Variants in PCLO observed in about 807,000 individuals in gnomAD.
PCLO encodes protein piccolo.
PCLO carries 82 observed loss-of-function variants against 427.5 expected under a neutral mutation model. The observed-to-expected ratio is 0.19, with a 90% CI of 0.16 to 0.23. The LOEUF (loss-of-function observed/expected upper bound fraction) is 0.23. Ranked by LOEUF, PCLO falls within the 10% of genes least tolerant of loss-of-function variation. The probability of loss-of-function intolerance (pLI) is 1.00; values close to 1 mark genes in which losing one functional copy is unlikely to be tolerated. For missense variants in PCLO, 6,239 were observed against 6,115.9 expected, an observed-to-expected ratio of 1.02 and a Z score of -0.67; for synonymous variants, 2,357 against 2,155.4, an observed-to-expected ratio of 1.09 and a Z score of -2.59.
At chr7:82,850,763 T>G (rs1380347360) in intron 10 of PCLO, among the ~76,000 whole-genome samples, 1 of 152,180 alleles carries the variant, frequency 6.6e-6, no homozygotes, top group Non-Finnish European at 1.5e-5. Flanking sequence ...CACTACACAA[T>G]TCATCACCTT....
rs2116261334 is a variant in PCLO, at chr7:82,915,111, G to A, written c.12875C>T (p.Ser4292Phe). 2 of 1,592,512 alleles carry A rather than the reference G, an allele frequency of 1.3e-6. No individual in the cohort carries two copies. The highest frequency in any genetic ancestry group is 1.3e-5 in the African/African-American group (1 of 74,648). Residue 4292 changes from serine to phenylalanine, a missense_variant, in exon 7 of 25, where the codon TCC (serine) becomes TTC (phenylalanine). By Grantham distance (155) the Ser-to-Phe change is radical (BLOSUM62 -2). This residue lies in a region of PCLO where 680 missense variants were observed against 677.3 expected (regional missense o/e 1.00). Transcript: ENST00000333891. The stretch of plus-strand genomic sequence containing the variant: ...CCCATAGACAGAGGAAGGTCTGGAG[G>A]AAGGTCTGGACCTGCTGCCACTACT... ...PYSSGSRSRP[S>F]SRPSSVYGLD...
chr7:82,880,517 T>C (rs974256785), intron 9 of PCLO: 5 of 251,726 alleles, frequency 2.0e-5, no homozygotes, highest in African/African-American at 1.1e-4. Context: ...GTGCTGGAAT[T>C]ACAGGCTTGA....
chr7:82,916,078 A>G lies in PCLO; in HGVS notation c.11908T>C (p.Leu3970=). The G allele has an allele frequency of 3.7e-6, 6 of 1,613,458 alleles. No homozygotes were observed. The highest frequency in any genetic ancestry group is 5.1e-6 in the Non-Finnish European group (6 of 1,179,742). ...QQKPRQTTLY[L]EPKITSNYEV... is the part of the protein sequence containing the mutation. ...TAGTTTGAGGTTATCTTGGGCTCCAAATATAATGTAGTTTGCCGTGGCTTC... is the reference window on the plus strand; with the variant it reads ...TAGTTTGAGGTTATCTTGGGCTCCAGATATAATGTAGTTTGCCGTGGCTTC... Residue 3970 remains leucine, a synonymous_variant, in exon 7 of 25, where the codon TTG becomes CTG. Transcript: ENST00000333891.
chr7:82,840,353 G>C (rs1042910696), intron 14 of PCLO, among the ~76,000 whole-genome samples: 2 of 151,932 alleles, frequency 1.3e-5, no homozygotes, highest in Non-Finnish European at 2.9e-5. Context: ...TTTGTAGTAG[G>C]TTCCTGGATA....
At chr7:82,797,882 T>C (rs73706724) in intron 22 of PCLO, among the ~76,000 whole-genome samples, 2,029 of 152,190 alleles carry the variant, frequency 0.013, 45 homozygotes, top group African/African-American at 0.046. Flanking sequence ...AGAAAATGAC[T>C]AAGTGGAAAA....
At chr7:82,926,284 T>C (rs1322829511) in intron 6 of PCLO, among the ~76,000 whole-genome samples, 1 of 152,152 alleles carries the variant, frequency 6.6e-6, no homozygotes, top group Non-Finnish European at 1.5e-5. Context: ...GGGTCTATGT[T>C]TGAGGTATTA....
At chr7:83,140,445 T>C (rs2116635101) in intron 2 of PCLO, among the ~76,000 whole-genome samples, 2 of 152,280 alleles carry the variant, frequency 1.3e-5, no homozygotes, top group East Asian at 3.9e-4. Context: ...AATTCTGCTA[T>C]TTCCAAGCCT....
chr7:82,974,031 A>G (rs1027910599), intron 3 of PCLO, among the ~76,000 whole-genome samples: 2 of 152,178 alleles, frequency 1.3e-5, no homozygotes, highest in African/African-American at 4.8e-5. Context: ...AATATCTGTG[A>G]ATTATTACAT....
At chr7:82,857,020 T>C (rs1296245536) in intron 10 of PCLO, among the ~76,000 whole-genome samples, 1 of 152,104 alleles carries the variant, frequency 6.6e-6, no homozygotes, top group Admixed American at 6.6e-5. Flanking sequence ...AGAGCATGCC[T>C]CTTCACTATT....
intron 6 of PCLO, among the ~76,000 whole-genome samples, chr7:82,917,203 G>A (rs1243176476): frequency 6.6e-6 from 1 of 151,942 alleles, no homozygotes; most frequent in Non-Finnish European, 1.5e-5. Flanking sequence ...TACATTTGTT[G>A]GAGATGTTCA....
At chr7:82,814,385 C>G (rs1187508492) in intron 20 of PCLO, among the ~76,000 whole-genome samples, 3 of 151,478 alleles carry the variant, frequency 2.0e-5, no homozygotes, top group Non-Finnish European at 3.0e-5. Context: ...CTTGGTTATT[C>G]AGTCTTTGAC....
chr7:82,797,215 T>A (rs1791242731), intron 22 of PCLO, among the ~76,000 whole-genome samples: 1 of 152,128 alleles, frequency 6.6e-6, no homozygotes, highest in Admixed American at 6.5e-5. Context: ...TTAGGGGTAT[T>A]TGTTCTTCAA....
chr7:83,105,858 C>G (rs190999467), intron 3 of PCLO, among the ~76,000 whole-genome samples: 1 of 152,254 alleles, frequency 6.6e-6, no homozygotes, highest in East Asian at 1.9e-4. Flanking sequence ...TCTTATTTGT[C>G]TTTTCTCAAT....
intron 16 of PCLO, among the ~76,000 whole-genome samples, chr7:82,832,780 T>C (rs1313808157): frequency 1.3e-5 from 2 of 148,200 alleles, no homozygotes; most frequent in African/African-American, 5.0e-5. Context: ...ATTTATCTGG[T>C]TTTCCTTTAC....
At chr7:83,110,091 T>C (rs980527576) in intron 3 of PCLO, among the ~76,000 whole-genome samples, 1 of 150,972 alleles carries the variant, frequency 6.6e-6, no homozygotes, top group African/African-American at 2.4e-5. Context: ...AAGCAGGTTC[T>C]CAGTACATAC....
chr7:82,802,356 C>G (rs4348436), intron 21 of PCLO, among the ~76,000 whole-genome samples: 122,015 of 151,980 alleles, frequency 0.8, 49,287 homozygotes, highest in East Asian at 0.93. Context: ...GGTAGGCATG[C>G]TCGTAGTAGC....
chr7:82,949,790 A>G lies in PCLO; in HGVS notation c.10798T>C (p.Tyr3600His). The G allele has an allele frequency of 6.2e-7, 1 of 1,613,802 alleles. No homozygotes were observed. Residue 3600 changes from tyrosine (Y) to histidine (H), a missense_variant, in exon 6 of 25, where the codon TAT becomes CAT. Physicochemically the swap from Tyr to His is moderately conservative, Grantham distance 83. Transcript: ENST00000333891. ...KKRPTPLEIG[Y>H]SSHLRADSTV... The stretch of plus-strand genomic sequence containing the variant: ...GAATCTGCCCGGAGGTGAGATGAAT[A>G]ACCAATCTCTAAAGGTGTTGGGCGT...
At chr7:82,816,923 A>G (rs1433935365) in intron 20 of PCLO, among the ~76,000 whole-genome samples, 1 of 152,164 alleles carries the variant, frequency 6.6e-6, no homozygotes, top group Admixed American at 6.6e-5. Context: ...ATAGTGTGAT[A>G]TGGTCAGAGT....
At chr7:82,844,103 G>C (rs1026852683) in intron 13 of PCLO, among the ~76,000 whole-genome samples, 1 of 152,048 alleles carries the variant, frequency 6.6e-6, no homozygotes, top group Admixed American at 6.6e-5. Context: ...AAAAGAAGTT[G>C]TCTTCAAATA....
Sources: allele counts gnomAD v4.1 joint callset (sites outside exome capture counted in the v4.1 genomes callset), GRCh38; gene constraint gnomAD v4.1.1; regional missense constraint gnomAD v4.1.1; transcripts MANE v1.5; gene names NCBI Gene and HGNC (gene_info 2026-07-23, HGNC 2026-07-21).